Variants in NCBP3 observed in about 807,000 individuals in gnomAD.
NCBP3 encodes nuclear cap-binding protein subunit 3.
A neutral mutation model predicts 75.7 loss-of-function variants in NCBP3; 20 were observed. That is an observed-to-expected ratio of 0.26 (90% CI 0.19 to 0.38). The LOEUF (loss-of-function observed/expected upper bound fraction) is 0.38. NCBP3 is among the 10% of genes least tolerant of loss of function. The probability of loss-of-function intolerance (pLI) is 1.00; values close to 1 mark genes in which losing one functional copy is unlikely to be tolerated. For synonymous variants in NCBP3, 293 were observed against 290.5 expected (o/e 1.01, Z -0.09); for missense variants, 678 against 796.9 (o/e 0.85, Z 1.80).
chr17:3,812,754 GA>G lies in NCBP3; in HGVS notation c.*289del. 1 of 1,227,558 alleles carries G rather than the reference GA, an allele frequency of 8.1e-7. No homozygotes were observed. 76.0% of individuals were successfully genotyped at this position (1,227,558 alleles called of 1,614,324 possible). A position where few individuals can be genotyped will look rare whatever the true frequency, so the allele number is the denominator to read the frequency against. ...AAAGACACAATGTTAAAAATATTAA[GA>G]AAAATGTCTACAAAATCTGGAGGGC... On this transcript the variant is annotated 3_prime_UTR_variant, in exon 13 of 13. Transcript: ENST00000389005.
chr17:3,817,708 T>C (rs566133349), intron 10 of NCBP3, among the ~76,000 whole-genome samples: 1 of 152,286 alleles, frequency 6.6e-6, no homozygotes, highest in Admixed American at 6.5e-5. Context: ...ACACATATTG[T>C]TTTGTGTAAT....
chr17:3,825,913 TA>T (rs2053775205), intron 5 of NCBP3, 70 bp from the exon 6 acceptor site: 1 of 1,413,402 alleles, frequency 7.1e-7, no homozygotes, highest in Non-Finnish European at 9.7e-7. Flanking sequence ...CAAGATGAAC[TA>T]TCTCATATAA....
intron 3 of NCBP3, among the ~76,000 whole-genome samples, chr17:3,836,513 C>T (rs1007718338): frequency 1.3e-5 from 2 of 151,676 alleles, no homozygotes; most frequent in African/African-American, 4.9e-5. Context: ...ATTGGCTGGC[C>T]GTGGTGGCAG....
At position 3,814,353 on chromosome 17, in the gene NCBP3, G is replaced by A. The variant is rs1043946515; in HGVS notation, c.1596C>T (p.Gly532=). ...RLGVPRQDSK[G]LYADTREKKS... is the part of the protein sequence containing the mutation. ...TCTTCTCCCGAGTATCGGCGTAGAG[G>A]CCTTTACTATCCTGCCTGGGAACAC... Residue 532 remains glycine, a synonymous_variant, in exon 12 of 13, where the codon GGC becomes GGT. Coordinates refer to ENST00000389005, the MANE Select transcript of NCBP3 (RefSeq NM_001114118.3). 2.5e-5 allele frequency: 40 copies of A among 1,614,074 alleles called. No homozygotes were observed. The Admixed American group carries it at 6.7e-4, about 27-fold the overall frequency.
chr17:3,836,393 G>C (rs143090421), intron 3 of NCBP3, among the ~76,000 whole-genome samples: 1 of 151,994 alleles, frequency 6.6e-6, no homozygotes, highest in Admixed American at 6.6e-5. Context: ...AGTGGCTCAC[G>C]CCTGTAATCC....
At chr17:3,825,668 C>G in intron 6 of NCBP3, 99 bp downstream of exon 6, 1 of 825,446 alleles carries the variant, frequency 1.2e-6, no homozygotes, top group Admixed American at 2.2e-5. Context: ...ATGGTGAAAG[C>G]TAGAGAAAAA....
chr17:3,843,222 A>G, intron 1 of NCBP3, 71 bp from the exon 2 acceptor site: 1 of 1,218,470 alleles, frequency 8.2e-7, no homozygotes, highest in Non-Finnish European at 1.2e-6. Flanking sequence ...AGTCGGCCTG[A>G]CATCTGCAGG....
intron 4 of NCBP3, among the ~76,000 whole-genome samples, chr17:3,826,998 C>T (rs1038644352): frequency 7.7e-6 from 1 of 130,070 alleles, no homozygotes; most frequent in African/African-American, 3.1e-5. Context: ...GGCGACAGAG[C>T]GAGACTCTGT....
At position 3,810,421 on chromosome 17, in the gene NCBP3, T is replaced by C. The variant is rs1400086465; in HGVS notation, c.*2623A>G. On this transcript the variant is annotated 3_prime_UTR_variant, in exon 13 of 13. Transcript: ENST00000389005. ...ACAAATGAGGTATCTGCAATTATCA[T>C]CAAGCAGCAAACATGTATGTAAAAT... 1 of 152,134 alleles carries C rather than the reference T, an allele frequency of 6.6e-6. No individual in the cohort carries two copies. Among genetic ancestry groups the C allele is most frequent in the African/African-American group, 2.4e-5 (1 of 41,424 alleles). 9.4% of individuals were successfully genotyped at this position (152,134 alleles called of 1,614,324 possible). A position where few individuals can be genotyped will look rare whatever the true frequency, so the allele number is the denominator to read the frequency against.
intron 3 of NCBP3, among the ~76,000 whole-genome samples, chr17:3,837,550 C>CT (rs1013905321): frequency 1.3e-5 from 2 of 150,316 alleles, no homozygotes; most frequent in African/African-American, 4.9e-5. Context: ...AGGTCAGGAG[C>CT]TTGAAACCCT....
At position 3,833,650 on chromosome 17, in the gene NCBP3, A is replaced by ATTTT. The variant is rs1567592644; in HGVS notation, c.356-4283_356-4282insAAAA. 2.8e-3 allele frequency among the ~76,000 whole-genome samples: 423 copies of ATTTT among 151,036 alleles called. 3 individuals are homozygous for ATTTT. The highest frequency in any genetic ancestry group is 9.4e-3 in the African/African-American group (383 of 40,864). On this transcript the variant is annotated intron_variant, in intron 3 of 12. Coordinates refer to ENST00000389005, the MANE Select transcript of NCBP3 (RefSeq NM_001114118.3). ...AGTGAGACCTTCTCTATTTTTTTTA[A>ATTTT]AAAAAAAGACATCTGAGGCCAGAAA...
At chr17:3,820,359 GTA>G (rs1406512405) in intron 9 of NCBP3, among the ~76,000 whole-genome samples, 3 of 152,302 alleles carry the variant, frequency 2.0e-5, no homozygotes, top group South Asian at 2.1e-4. Flanking sequence ...ATAAATGTGT[GTA>G]TATGTTATTT....
intron 3 of NCBP3, among the ~76,000 whole-genome samples, chr17:3,837,981 TA>T (rs1302157551): frequency 9.1e-4 from 132 of 144,896 alleles, no homozygotes; most frequent in African/African-American, 3.4e-3. Flanking sequence ...AGTTGTACGT[TA>T]AAAAAAAAAA....
At chr17:3,829,724 T>C (rs1258132725) in intron 3 of NCBP3, among the ~76,000 whole-genome samples, 2 of 152,132 alleles carry the variant, frequency 1.3e-5, no homozygotes, top group Non-Finnish European at 2.9e-5. Context: ...AATTTTTAAA[T>C]GTATGTTAAA....
In NCBP3 at chr17:3,816,381, A is replaced by G. The variant is rs763191272; in HGVS notation, c.1311-111T>C. 4.3e-5 allele frequency: 39 copies of G among 902,738 alleles called. 2 individuals are homozygous for G. The highest frequency in any genetic ancestry group is 5.3e-5 in the Admixed American group (2 of 37,550). 55.9% of individuals were successfully genotyped at this position (902,738 alleles called of 1,614,324 possible). A position where few individuals can be genotyped will look rare whatever the true frequency, so the allele number is the denominator to read the frequency against. On this transcript the variant is annotated intron_variant, in intron 10 of 12. Transcript: ENST00000389005. Reference sequence around the variant, plus strand: ...AACAATTTAAGAAATCCTGTCTTACATGGCCAACATTCACTTACAAATCCA... The same window carrying G: ...AACAATTTAAGAAATCCTGTCTTACGTGGCCAACATTCACTTACAAATCCA...
chr17:3,812,675 G>A lies in NCBP3; in HGVS notation c.*369C>T. The stretch of plus-strand genomic sequence containing the variant: ...AACAGCTGTCAGGGCCAAGGCAATA[G>A]TGAGAAGTTCAGTTCTCTGCTCTTT... On this transcript the variant is annotated 3_prime_UTR_variant, in exon 13 of 13. Coordinates refer to ENST00000389005, the MANE Select transcript of NCBP3 (RefSeq NM_001114118.3). 9.6e-7 allele frequency: 1 copy of A among 1,046,678 alleles called. No homozygotes were observed. Among genetic ancestry groups the A allele is most frequent in the Non-Finnish European group, 1.2e-6 (1 of 866,928 alleles). 64.8% of individuals were successfully genotyped at this position (1,046,678 alleles called of 1,614,324 possible). A position where few individuals can be genotyped will look rare whatever the true frequency, so the allele number is the denominator to read the frequency against.
At chr17:3,821,876 G>C in intron 8 of NCBP3, 77 bp downstream of exon 8, 7 of 916,476 alleles carry the variant, frequency 7.6e-6, no homozygotes, top group Non-Finnish European at 8.8e-6. Flanking sequence ...ACAGGGTTTA[G>C]ACATTTCACC....
chr17:3,840,095 T>C lies in NCBP3; in HGVS notation c.355+5A>G, dbSNP rs186574320. 5 of 1,550,232 alleles carry C rather than the reference T, an allele frequency of 3.2e-6. No individual in the cohort carries two copies. The highest frequency in any genetic ancestry group is 3.9e-5 in the Admixed American group (2 of 50,976). ...TGGACAAATTTCCCACAAAACACCCTGTACCTTTCTTCATCATGTCTCGGT... is the reference window on the plus strand; with the variant it reads ...TGGACAAATTTCCCACAAAACACCCCGTACCTTTCTTCATCATGTCTCGGT... On this transcript the variant is annotated splice_donor_5th_base_variant and intron_variant, in intron 3 of 12. Transcript: ENST00000389005.
intron 1 of NCBP3, among the ~76,000 whole-genome samples, chr17:3,845,798 C>T (rs2054153621): frequency 6.6e-6 from 1 of 152,142 alleles, no homozygotes; most frequent in South Asian, 2.1e-4. Context: ...CCTCAACTCC[C>T]TCCCAGCTCT....
Sources: allele counts gnomAD v4.1 joint callset (sites outside exome capture counted in the v4.1 genomes callset), GRCh38; gene constraint gnomAD v4.1.1; transcripts MANE v1.5; gene names NCBI Gene and HGNC (gene_info 2026-07-23, HGNC 2026-07-21).